Variants in SUPT20HL2 observed in about 807,000 individuals in gnomAD.
The protein encoded by SUPT20HL2 is SUPT20H like 2.
For synonymous variants in SUPT20HL2, 125 were observed against 51.6 expected, an observed-to-expected ratio of 2.42 and a Z score of -6.10; for missense variants, 288 against 127.4, an observed-to-expected ratio of 2.26 and a Z score of -6.07.
rs745419120 is a variant in SUPT20HL2, at chrX:24,312,815, T to C, written c.501A>G (p.Leu167=). Residue 167 remains leucine, a synonymous_variant, in exon 1 of 1, where the codon CTA becomes CTG. Transcript: ENST00000486479. ...PPGYQSRHIL[L]RPTMQTLAPE... is the part of the protein sequence containing the mutation. Reference sequence around the variant, plus strand: ...GGGCTAAAGTCTGCATGGTTGGACGTAGAAGAATATGCCTGCTTTGGTAAC... The same window carrying C: ...GGGCTAAAGTCTGCATGGTTGGACGCAGAAGAATATGCCTGCTTTGGTAAC... 4.0e-4 allele frequency: 153 copies of C among 384,477 alleles called. No individual in the cohort carries two copies. Among genetic ancestry groups the C allele is most frequent in the Middle Eastern group, 1.7e-3 (4 of 2,350 alleles). 31.7% of individuals were successfully genotyped at this position (384,477 alleles called of 1,213,427 possible).
Position 24,312,517 on chromosome X carries a change from A to T in SUPT20HL2, c.799T>A (p.Ser267Thr), listed in dbSNP as rs758516973. The change falls in exon 1 of 1, where the codon TCT (serine) becomes ACT (threonine). Residue 267 changes from serine to threonine, a missense_variant. By Grantham distance (58) the Ser-to-Thr change is moderately conservative. Coordinates refer to ENST00000486479, the MANE Select transcript of SUPT20HL2 (RefSeq NM_001136233.3). Reference protein sequence around the residue: ...PPPPELRVSTSGQKEERKVGQ... With the variant: ...PPPPELRVSTTGQKEERKVGQ... ...ACTTTTCTTTCTTCTTTTTGGCCAGAAGTCGACACTCTCAGCTCAGGAGGA... is the reference window on the plus strand; with the variant it reads ...ACTTTTCTTTCTTCTTTTTGGCCAGTAGTCGACACTCTCAGCTCAGGAGGA... 1.0e-5 allele frequency: 4 copies of T among 385,611 alleles called. No homozygotes were observed. The highest frequency in any genetic ancestry group is 5.1e-5 in the Admixed American group (2 of 39,364). The allele number at this position is 385,611 out of a possible 1,213,427, so 31.8% of individuals were successfully genotyped here.
In SUPT20HL2 at chrX:24,310,698, C is replaced by T. The variant is rs1002457144; in HGVS notation, c.*164G>A. 5.0e-4 allele frequency among the ~76,000 whole-genome samples: 56 copies of T among 112,174 alleles called. No individual in the cohort carries two copies. Among genetic ancestry groups the T allele is most frequent in the African/African-American group, 1.7e-3 (54 of 30,918 alleles). ...CAATGCCCCTTTAGGAAATCACTTC[C>T]TGTTTCTAAATAAAAATCGGTGGAT... On this transcript the variant is annotated 3_prime_UTR_variant, in exon 1 of 1. Transcript: ENST00000486479.
Position 24,309,734 on chromosome X carries a change from T to TAAAAAAAAAAAAAAAAAAAAAAAAAAA in SUPT20HL2, c.*1127_*1128insTTTTTTTTTTTTTTTTTTTTTTTTTTT, listed in dbSNP as rs1429702092. On this transcript the variant is annotated 3_prime_UTR_variant, in exon 1 of 1. Transcript: ENST00000486479. ...AAAAAAAAGAAAAAAATAATAAAAA[T>TAAAAAAAAAAAAAAAAAAAAAAAAAAA]AAAAAAAAAAAGAAAAAAAAAAAAA... 3.2e-4 allele frequency among the ~76,000 whole-genome samples: 5 copies of TAAAAAAAAAAAAAAAAAAAAAAAAAAA among 15,706 alleles called. No homozygotes were observed. The highest frequency in any genetic ancestry group is 3.8e-4 in the Non-Finnish European group (4 of 10,392). The allele number at this position is 15,706 out of a possible 115,157, so 13.6% of individuals were successfully genotyped here.
rs1166762284 is a variant in SUPT20HL2 at position 24,308,260 on chromosome X, T to G, written c.*2602A>C. On this transcript the variant is annotated 3_prime_UTR_variant, in exon 1 of 1. Coordinates refer to ENST00000486479, the MANE Select transcript of SUPT20HL2 (RefSeq NM_001136233.3). ...TATTTGCCTGCCTGGGAAGGGAAGG[T>G]CACATCACTGAAGCACAAATTTGGC... The G allele has an allele frequency of 5.4e-6, 2 of 373,307 alleles. No individual in the cohort carries two copies. Among genetic ancestry groups the G allele is most frequent in the African/African-American group, 5.1e-5 (2 of 39,073 alleles). The allele number at this position is 373,307 out of a possible 1,213,427, so 30.8% of individuals were successfully genotyped here. A position where few individuals can be genotyped will look rare whatever the true frequency, so the allele number is the denominator to read the frequency against.
In SUPT20HL2 at chrX:24,309,324, CTGA is replaced by C. The variant is rs899669606; in HGVS notation, c.*1535_*1537del. On this transcript the variant is annotated 3_prime_UTR_variant, in exon 1 of 1. Transcript: ENST00000486479. The stretch of plus-strand genomic sequence containing the variant: ...TGAGGGAGCAGAAACAGCTGAACAA[CTGA>C]TGATGATGCATCAACAAAGAGAAAA... Among the ~76,000 whole-genome samples, 8 of 111,551 alleles carry C rather than the reference CTGA, an allele frequency of 7.2e-5. No individual in the cohort carries two copies. The highest frequency in any genetic ancestry group is 9.6e-5 in the African/African-American group (3 of 31,319).
chrX:24,311,535 G>A lies in SUPT20HL2; in HGVS notation c.1781C>T (p.Pro594Leu), dbSNP rs1372740746. The A allele has an allele frequency of 5.2e-6, 2 of 386,044 alleles. No individual in the cohort carries two copies. The highest frequency in any genetic ancestry group is 1.0e-5 in the Non-Finnish European group (2 of 192,373). 31.8% of individuals were successfully genotyped at this position (386,044 alleles called of 1,213,427 possible). The change falls in exon 1 of 1, where the codon CCT becomes CTT. Residue 594 changes from proline (P) to leucine (L), a missense_variant. Pro to Leu is a moderately conservative substitution (Grantham distance 98). Coordinates refer to ENST00000486479, the MANE Select transcript of SUPT20HL2 (RefSeq NM_001136233.3). ...GGCACCCGAGCCAGGGGCCTGCACA[G>A]GCTTGAAACTGCACCCCAAAACCTG... Reference protein sequence around the residue: ...GAQVLGCSFKPVQAPGSGAPA... With the variant: ...GAQVLGCSFKLVQAPGSGAPA...
chrX:24,310,619 T>C lies in SUPT20HL2; in HGVS notation c.*243A>G. 8.9e-6 allele frequency among the ~76,000 whole-genome samples: 1 copy of C among 112,235 alleles called. No individual in the cohort carries two copies. Among genetic ancestry groups the C allele is most frequent in the Middle Eastern group, 4.6e-3 (1 of 217 alleles). ...GATTTGGACACTTTAAAATACTATA[T>C]TAAAAACAATTATATCAACAGCAAT... On this transcript the variant is annotated 3_prime_UTR_variant, in exon 1 of 1. Transcript: ENST00000486479.
rs575870331 is a variant in SUPT20HL2 at position 24,310,716 on chromosome X, C to T, written c.*146G>A. On this transcript the variant is annotated 3_prime_UTR_variant, in exon 1 of 1. Coordinates refer to ENST00000486479, the MANE Select transcript of SUPT20HL2 (RefSeq NM_001136233.3). The stretch of plus-strand genomic sequence containing the variant: ...TCACTTCCTGTTTCTAAATAAAAAT[C>T]GGTGGATTGTGCTTCTGTGTAAAGT... 4.2e-6 allele frequency: 1 copy of T among 236,998 alleles called. No homozygotes were observed. The highest frequency in any genetic ancestry group is 1.2e-4 in the East Asian group (1 of 8,382). 19.5% of individuals were successfully genotyped at this position (236,998 alleles called of 1,213,427 possible). A position where few individuals can be genotyped will look rare whatever the true frequency, so the allele number is the denominator to read the frequency against.
rs1939096675 is a variant in SUPT20HL2 at position 24,309,706 on chromosome X, AAAAAAAAAAAGAAAAAAATAATAAAAAT to A, written c.*1128_*1155del. Among the ~76,000 whole-genome samples the A allele has an allele frequency of 4.0e-5, 2 of 49,462 alleles. No individual in the cohort carries two copies. Among genetic ancestry groups the A allele is most frequent in the Non-Finnish European group, 6.7e-5 (2 of 29,926 alleles). 43.0% of individuals were successfully genotyped at this position (49,462 alleles called of 115,157 possible). A position where few individuals can be genotyped will look rare whatever the true frequency, so the allele number is the denominator to read the frequency against. On this transcript the variant is annotated 3_prime_UTR_variant, in exon 1 of 1. Transcript: ENST00000486479. ...AAAAAAAAAATTAAAAAAAAAAATT[AAAAAAAAAAAGAAAAAAATAATAAAAAT>A]AAAAAAAAAAAGAAAAAAAAAAAAA...
rs1182094629 is a variant in SUPT20HL2 at position 24,312,257 on chromosome X, G to A, written c.1059C>T (p.Asn353=). 2 of 386,979 alleles carry A rather than the reference G, an allele frequency of 5.2e-6. No individual in the cohort carries two copies. Among genetic ancestry groups the A allele is most frequent in the Non-Finnish European group, 1.0e-5 (2 of 192,566 alleles). The allele number at this position is 386,979 out of a possible 1,213,427, so 31.9% of individuals were successfully genotyped here. ...GCGGATCATTAAACGACTGCATGAT[G>A]TTTGGCTTGGTGTCCCAGGCCTGAC... is the stretch of plus-strand genomic sequence containing the variant. ...AGCQAWDTKP[N]IMQSFNDPLL... is the part of the protein sequence containing the mutation. Residue 353 remains asparagine, a synonymous_variant, in exon 1 of 1, where the codon AAC becomes AAT. Transcript: ENST00000486479.
rs906187352 is a variant in SUPT20HL2, at chrX:24,308,377, C to T, written c.*2485G>A. 13 of 361,330 alleles carry T rather than the reference C, an allele frequency of 3.6e-5. No homozygotes were observed. Among genetic ancestry groups the T allele is most frequent in the Middle Eastern group, 4.3e-4 (1 of 2,322 alleles). 29.8% of individuals were successfully genotyped at this position (361,330 alleles called of 1,213,427 possible). On this transcript the variant is annotated 3_prime_UTR_variant, in exon 1 of 1. Coordinates refer to ENST00000486479, the MANE Select transcript of SUPT20HL2 (RefSeq NM_001136233.3). ...ATACTGAATTCAGGTCACTGCTTAG[C>T]TCCGAAGGCCATGCATAAACTCTTC...
At position 24,309,455 on chromosome X, in the gene SUPT20HL2, T is replaced by C. The variant is rs1188626711; in HGVS notation, c.*1407A>G. On this transcript the variant is annotated 3_prime_UTR_variant, in exon 1 of 1. Coordinates refer to ENST00000486479, the MANE Select transcript of SUPT20HL2 (RefSeq NM_001136233.3). ...TTCAAATGTTTCACTAAATGTTTCT[T>C]GCAAACAACCTACAAAAAATGTAAA... 1.1e-4 allele frequency among the ~76,000 whole-genome samples: 10 copies of C among 89,542 alleles called. No homozygotes were observed. Among genetic ancestry groups the C allele is most frequent in the Non-Finnish European group, 2.1e-4 (10 of 46,934 alleles). The allele number at this position is 89,542 out of a possible 115,157, so 77.8% of individuals were successfully genotyped here. A position where few individuals can be genotyped will look rare whatever the true frequency, so the allele number is the denominator to read the frequency against.
In SUPT20HL2 at chrX:24,310,121, T is replaced by C. The variant is rs773810139; in HGVS notation, c.*741A>G. ...CAGTGAGACCATTTTTAAAAAGCAA[T>C]GACCTTCACATCACATGAGACAGCA... On this transcript the variant is annotated 3_prime_UTR_variant, in exon 1 of 1. Coordinates refer to ENST00000486479, the MANE Select transcript of SUPT20HL2 (RefSeq NM_001136233.3). Among the ~76,000 whole-genome samples the C allele has an allele frequency of 2.4e-4, 27 of 111,802 alleles. No individual in the cohort carries two copies. Among genetic ancestry groups the C allele is most frequent in the Non-Finnish European group, 4.3e-4 (23 of 53,191 alleles).
At position 24,309,677 on chromosome X, in the gene SUPT20HL2, TA is replaced by T. The variant is rs1262391597; in HGVS notation, c.*1184del. Among the ~76,000 whole-genome samples the T allele has an allele frequency of 0.04, 725 of 17,922 alleles. 21 individuals carry two copies. Among genetic ancestry groups the T allele is most frequent in the African/African-American group, 0.087 (463 of 5,329 alleles). 15.6% of individuals were successfully genotyped at this position (17,922 alleles called of 115,157 possible). ...ATGTACCCTAAAACTTAGAGTATAA[TA>T]AAAAAAAAAAAATTAAAAAAAAAAA... is the stretch of plus-strand genomic sequence containing the variant. On this transcript the variant is annotated 3_prime_UTR_variant, in exon 1 of 1. Transcript: ENST00000486479.
rs932571945 is a variant in SUPT20HL2, at chrX:24,310,485, ATTAAC to A, written c.*372_*376del. The stretch of plus-strand genomic sequence containing the variant: ...TAAATTGCGCTCTTCTTGTTAAAAT[ATTAAC>A]TTAAAATTAAAATCTTGTTAAAATA... On this transcript the variant is annotated 3_prime_UTR_variant, in exon 1 of 1. Transcript: ENST00000486479. Among the ~76,000 whole-genome samples the A allele has an allele frequency of 5.3e-5, 6 of 112,667 alleles. No individual in the cohort carries two copies. Among genetic ancestry groups the A allele is most frequent in the African/African-American group, 1.9e-4 (6 of 30,982 alleles).
rs200391334 is a variant in SUPT20HL2, at chrX:24,312,458, C to T, written c.858G>A (p.Ala286=). The T allele has an allele frequency of 0.051, 19,452 of 382,931 alleles. 1,405 individuals are homozygous for T. Among genetic ancestry groups the T allele is most frequent in the African/African-American group, 0.28 (10,399 of 37,799 alleles). The allele number at this position is 382,931 out of a possible 1,213,427, so 31.6% of individuals were successfully genotyped here. A position where few individuals can be genotyped will look rare whatever the true frequency, so the allele number is the denominator to read the frequency against. Residue 286 remains alanine (A), a synonymous_variant, in exon 1 of 1, where the codon GCG becomes GCA. Coordinates refer to ENST00000486479, the MANE Select transcript of SUPT20HL2 (RefSeq NM_001136233.3). ...GQPCELNITK[A]GSCVDTWKGR... is the part of the protein sequence containing the mutation. ...CTTTCCACGTGTCTACACAACTTCC[C>T]GCTTTAGTAATGTTCAGCTCACAAG...
rs1414714225 is a variant in SUPT20HL2, at chrX:24,308,631, T to C, written c.*2231A>G. ...ATGTCTTTTGGAATGCCAGATCAAA[T>C]CTCCTTCTATTTTGTTAAGGCAAAA... On this transcript the variant is annotated 3_prime_UTR_variant, in exon 1 of 1. Transcript: ENST00000486479. Among the ~76,000 whole-genome samples, 1 of 112,267 alleles carries C rather than the reference T, an allele frequency of 8.9e-6. No homozygotes were observed. The highest frequency in any genetic ancestry group is 1.9e-5 in the Non-Finnish European group (1 of 53,289).
rs1176819071 is a variant in SUPT20HL2, at chrX:24,311,113, C to T, written c.2203G>A (p.Ala735Thr). 5.4e-6 allele frequency: 2 copies of T among 367,891 alleles called. No individual in the cohort carries two copies. Among genetic ancestry groups the T allele is most frequent in the Admixed American group, 2.8e-5 (1 of 36,075 alleles). 30.3% of individuals were successfully genotyped at this position (367,891 alleles called of 1,213,427 possible). ...TGGACACCCTGCTGAGGAACCTGGG[C>T]AGAGCCAAGCAGACTCAACACAGCA... ...QAAVLSLLGS[A>T]QVPQQGVQLP... Residue 735 changes from alanine (A) to threonine (T), a missense_variant, in exon 1 of 1, where the codon GCC (alanine) becomes ACC (threonine). Coordinates refer to ENST00000486479, the MANE Select transcript of SUPT20HL2 (RefSeq NM_001136233.3).
At position 24,309,734 on chromosome X, in the gene SUPT20HL2, T is replaced by TAAAAAAAAAAATA. The variant is rs1429702092; in HGVS notation, c.*1127_*1128insTATTTTTTTTTTT. On this transcript the variant is annotated 3_prime_UTR_variant, in exon 1 of 1. Transcript: ENST00000486479. ...AAAAAAAAGAAAAAAATAATAAAAA[T>TAAAAAAAAAAATA]AAAAAAAAAAAGAAAAAAAAAAAAA... Among the ~76,000 whole-genome samples the TAAAAAAAAAAATA allele has an allele frequency of 6.4e-5, 1 of 15,706 alleles. No individual in the cohort carries two copies. The highest frequency in any genetic ancestry group is 9.6e-5 in the Non-Finnish European group (1 of 10,392). The allele number at this position is 15,706 out of a possible 115,157, so 13.6% of individuals were successfully genotyped here.
Sources: gnomAD v4.1 joint callset for allele counts (sites outside exome capture counted in the v4.1 genomes callset) on GRCh38, gnomAD v4.1.1 for gene constraint, MANE v1.5 for transcripts, NCBI Gene and HGNC (gene_info 2026-07-23, HGNC 2026-07-21) for gene names.